CAST: variants seen among roughly 807,000 people sequenced by gnomAD.
CAST encodes calpastatin.
CAST carries 76 observed loss-of-function variants against 119.6 expected under a neutral mutation model. The observed-to-expected ratio is 0.64, with a 90% CI of 0.53 to 0.77. The LOEUF (loss-of-function observed/expected upper bound fraction) is 0.77. Among genes scored for constraint, CAST ranks in the 30% least tolerant of loss-of-function variants. CAST has a pLI of 0.00. For synonymous variants in CAST, 319 were observed against 331.6 expected (o/e 0.96, Z 0.41); for missense variants, 953 against 946.5 (o/e 1.01, Z -0.09).
chr5:96,366,858 C>A, the CAST span, among the ~76,000 whole-genome samples: 1 of 152,230 alleles, frequency 6.6e-6, no homozygotes, highest in South Asian at 2.1e-4. Flanking sequence ...CAGCTTTGTT[C>A]TGTTGCTGGT....
At chr5:96,278,188 G>T in the CAST span, among the ~76,000 whole-genome samples, 1 of 152,190 alleles carries the variant, frequency 6.6e-6, no homozygotes, top group Non-Finnish European at 1.5e-5. Context: ...AAGCAAGTAT[G>T]TGATTTCAGG....
chr5:96,268,019 TTATATC>T, the CAST span, among the ~76,000 whole-genome samples: 1 of 152,148 alleles, frequency 6.6e-6, no homozygotes, highest in Non-Finnish European at 1.5e-5. Flanking sequence ...AAATAACTTA[TTATATC>T]TATAAGATGT....
At chr5:96,324,832 G>T in the CAST span, among the ~76,000 whole-genome samples, 2 of 151,872 alleles carry the variant, frequency 1.3e-5, no homozygotes, top group Admixed American at 6.6e-5. Flanking sequence ...TAAGTTTTAT[G>T]AAGTGACAAG....
rs563163728 is a variant in CAST, at chr5:96,725,803, C to G, written c.271-991C>G. Reference sequence around the variant, plus strand: ...CAGCTGGCTTATTTTCCTTGTTAATCATTTAATAAATTATATTTGCATAAA... The same window carrying G: ...CAGCTGGCTTATTTTCCTTGTTAATGATTTAATAAATTATATTTGCATAAA... On this transcript the variant is annotated intron_variant, in intron 4 of 31. Coordinates refer to ENST00000675179, the MANE Select transcript of CAST (RefSeq NM_001750.7). Among the ~76,000 whole-genome samples, 3 of 152,226 alleles carry G rather than the reference C, an allele frequency of 2.0e-5. No individual in the cohort carries two copies. In the South Asian group the frequency reaches 6.2e-4, roughly 32 times the overall value.
the CAST span, among the ~76,000 whole-genome samples, chr5:95,963,124 TAA>T: frequency 3.3e-5 from 5 of 152,192 alleles, no homozygotes; most frequent in African/African-American, 1.2e-4. Flanking sequence ...AAAGGCAGTT[TAA>T]AAAAGTTCTT....
chr5:96,499,718 C>T, the CAST span, among the ~76,000 whole-genome samples: 1 of 152,180 alleles, frequency 6.6e-6, no homozygotes, highest in Admixed American at 6.5e-5. Flanking sequence ...TGGAGTCAAT[C>T]CTCTCGAACC....
At chr5:96,061,539 G>C in the CAST span, among the ~76,000 whole-genome samples, 1 of 151,994 alleles carries the variant, frequency 6.6e-6, no homozygotes, top group African/African-American at 2.4e-5. Context: ...AATTGATCTG[G>C]GTACAAGCCA....
chr5:96,547,428 CAGATGTCCCAGCTCAAGGA>C (rs919127665), intron 1 of CAST, among the ~76,000 whole-genome samples: 15 of 152,212 alleles, frequency 9.9e-5, no homozygotes, highest in Non-Finnish European at 1.6e-4. Context: ...GGGCAGGAGA[CAGATGTCCCAGCTCAAGGA>C]GAGAAAGAAT....
At chr5:96,018,754 C>T in the CAST span, among the ~76,000 whole-genome samples, 1 of 152,140 alleles carries the variant, frequency 6.6e-6, no homozygotes, top group Non-Finnish European at 1.5e-5. Context: ...TGCTATAATT[C>T]CTTGTAGTAA....
At chr5:96,758,715 T>C (rs1766934926) in intron 24 of CAST, among the ~76,000 whole-genome samples, 1 of 152,202 alleles carries the variant, frequency 6.6e-6, no homozygotes, top group African/African-American at 2.4e-5. Context: ...AACCAGAGCA[T>C]GTTATTCTCT....
intron 3 of CAST, chr5:96,702,668 G>A: frequency 3.4e-6 from 2 of 595,894 alleles, no homozygotes; most frequent in South Asian, 1.5e-4. Context: ...CCAGTCTCCA[G>A]ATGCCAGGCG....
chr5:96,759,212 G>A (rs1767096069), intron 24 of CAST, among the ~76,000 whole-genome samples: 1 of 152,100 alleles, frequency 6.6e-6, no homozygotes, highest in Non-Finnish European at 1.5e-5. Flanking sequence ...GTTATTTAGT[G>A]GAAAGTTTCA....
the CAST span, among the ~76,000 whole-genome samples, chr5:96,094,184 C>A: frequency 6.6e-6 from 1 of 152,216 alleles, no homozygotes; most frequent in Non-Finnish European, 1.5e-5. Flanking sequence ...CGTATTTAAT[C>A]TTTGGGAGAA....
At chr5:96,308,284 C>T in the CAST span, among the ~76,000 whole-genome samples, 2 of 151,772 alleles carry the variant, frequency 1.3e-5, no homozygotes, top group Non-Finnish European at 2.9e-5. Flanking sequence ...AGTTCTCGTG[C>T]TGTGTTTTTC....
chr5:96,603,605 C>T (rs568001076), intron 1 of CAST, among the ~76,000 whole-genome samples: 1 of 152,186 alleles, frequency 6.6e-6, no homozygotes, highest in Admixed American at 6.5e-5. Flanking sequence ...TCTTGAAGGA[C>T]CTGACTGGGG....
chr5:96,637,943 A>G (rs920197725), intron 1 of CAST, among the ~76,000 whole-genome samples: 19 of 152,160 alleles, frequency 1.2e-4, no homozygotes, highest in African/African-American at 4.3e-4. Context: ...TCCCTGGACC[A>G]CCACTATCTT....
At chr5:96,481,669 A>G in the CAST span, among the ~76,000 whole-genome samples, 3 of 152,298 alleles carry the variant, frequency 2.0e-5, no homozygotes, top group Middle Eastern at 3.4e-3. Context: ...TTCAAAAGGG[A>G]CTCAAACAAC....
the CAST span, among the ~76,000 whole-genome samples, chr5:96,438,726 A>G: frequency 6.6e-6 from 1 of 152,204 alleles, no homozygotes; most frequent in Admixed American, 6.5e-5. Flanking sequence ...TTAAGATGGT[A>G]TCATATCAAC....
chr5:96,408,603 A>G, the CAST span, among the ~76,000 whole-genome samples: 1 of 152,248 alleles, frequency 6.6e-6, no homozygotes, highest in Admixed American at 6.5e-5. Context: ...AGATTCCCAA[A>G]CGAAATGCTG....
Sources: gnomAD v4.1 joint callset for allele counts (sites outside exome capture counted in the v4.1 genomes callset) on GRCh38, gnomAD v4.1.1 for gene constraint, MANE v1.5 for transcripts, NCBI Gene and HGNC (gene_info 2026-07-23, HGNC 2026-07-21) for gene names.